Variants in CRBN observed in about 807,000 individuals in gnomAD.
The protein encoded by CRBN is cereblon, also known as protein cereblon.
In CRBN, 53 loss-of-function variants were observed where a neutral mutation model predicts 62.2. The ratio of observed to expected loss-of-function variants is 0.85; its 90% CI spans 0.68 to 1.07. The LOEUF (loss-of-function observed/expected upper bound fraction) is 1.07. Ranked by LOEUF, CRBN falls within the 50% of genes least tolerant of loss-of-function variation. The pLI is 0.00. For synonymous variants in CRBN, 208 were observed against 176.1 expected (o/e 1.18, Z -1.43); for missense variants, 616 against 531.1 (o/e 1.16, Z -1.57).
chr3:3,169,512 C>T (rs145964345), intron 4 of CRBN, among the ~76,000 whole-genome samples: 1 of 152,114 alleles, frequency 6.6e-6, no homozygotes, highest in Non-Finnish European at 1.5e-5. Flanking sequence ...AAATTCTGCA[C>T]TCAAATTGCC....
intron 1 of CRBN, among the ~76,000 whole-genome samples, chr3:3,175,908 G>T (rs1707809647): frequency 6.6e-6 from 1 of 152,182 alleles, no homozygotes; most frequent in East Asian, 1.9e-4. Flanking sequence ...TAGAAATGGG[G>T]TCTGTTGCCA....
chr3:3,163,908 C>A (rs770538690), intron 5 of CRBN, among the ~76,000 whole-genome samples: 4 of 152,218 alleles, frequency 2.6e-5, no homozygotes, highest in Non-Finnish European at 5.9e-5. Context: ...GTGCTAACTA[C>A]CTGCCTGTGC....
In CRBN at chr3:3,153,496, ATT is replaced by A. The variant is rs1399446103; in HGVS notation, c.952-10_952-9del. The A allele has an allele frequency of 6.5e-7, 1 of 1,529,610 alleles. No homozygotes were observed. The highest frequency in any genetic ancestry group is 2.3e-5 in the East Asian group (1 of 44,330). 94.8% of individuals were successfully genotyped at this position (1,529,610 alleles called of 1,614,324 possible). ...ACAGCAAAGGGAAGTACACTAAAAGATTTGAGAGAAAAATTATTGGTAGGAAA... is the reference window on the plus strand; with the variant it reads ...ACAGCAAAGGGAAGTACACTAAAAGATGAGAGAAAAATTATTGGTAGGAAA... On this transcript the variant is annotated splice_polypyrimidine_tract_variant and intron_variant, in intron 8 of 10. Transcript: ENST00000231948.
At chr3:3,149,808 T>TATTA (rs1364679115), downstream of CRBN, 3 of 152,148 alleles carry the variant, frequency 2.0e-5, no homozygotes, top group Admixed American at 2.0e-4. Flanking sequence ...GGCCTCATAC[T>TATTA]ATTACTACAT....
chr3:3,175,052 T>C (rs903260035), intron 2 of CRBN, 111 bp downstream of exon 2: 2 of 450,698 alleles, frequency 4.4e-6, no homozygotes, highest in African/African-American at 4.6e-5. Flanking sequence ...CATGTCCTCA[T>C]CCACAATTTC....
At position 3,179,608 on chromosome 3, in the gene CRBN, T is replaced by A; in HGVS notation, c.67+13A>T. 1 of 1,613,190 alleles carries A rather than the reference T, an allele frequency of 6.2e-7. No homozygotes were observed. Among genetic ancestry groups the A allele is most frequent in the African/African-American group, 1.3e-5 (1 of 75,022 alleles). ...CCCACTCCCGACTACAGGGAACTAC[T>A]CCGGGCGGTTACCAGGCAGGAGCGG... On this transcript the variant is annotated intron_variant, in intron 1 of 10. Transcript: ENST00000231948.
chr3:3,174,048 T>C lies in CRBN; in HGVS notation c.377+11A>G. 1.2e-6 allele frequency: 2 copies of C among 1,609,458 alleles called. No homozygotes were observed. Among genetic ancestry groups the C allele is most frequent in the East Asian group, 2.2e-5 (1 of 44,858 alleles). On this transcript the variant is annotated intron_variant, in intron 3 of 10. Transcript: ENST00000231948. The stretch of plus-strand genomic sequence containing the variant: ...GGGAATGTATTAAGCAAATGGACTC[T>C]AATATTTTACCTGTATGCAAGAACA...
chr3:3,176,858 GT>G (rs1159491509), intron 1 of CRBN, among the ~76,000 whole-genome samples: 1 of 152,224 alleles, frequency 6.6e-6, no homozygotes, highest in Non-Finnish European at 1.5e-5. Context: ...AAAACCAGAT[GT>G]TACCAATGAC....
chr3:3,176,552 A>G (rs2126070313), intron 1 of CRBN, among the ~76,000 whole-genome samples: 1 of 152,274 alleles, frequency 6.6e-6, no homozygotes, highest in African/African-American at 2.4e-5. Context: ...CCTGGCCAAC[A>G]TGTTGCAACC....
Position 3,167,813 on chromosome 3 carries a change from G to A in CRBN, c.528-20C>T. On this transcript the variant is annotated intron_variant, in intron 4 of 10. Transcript: ENST00000231948. ...TGGATTCTAAAATAAAGAGAACCAA[G>A]CATGGTATTCATTTCTAAGATTGAC... The A allele has an allele frequency of 6.2e-7, 1 of 1,611,562 alleles. No individual in the cohort carries two copies. Among genetic ancestry groups the A allele is most frequent in the Non-Finnish European group, 8.5e-7 (1 of 1,178,008 alleles).
chr3:3,157,407 T>C (rs915402488), intron 5 of CRBN, among the ~76,000 whole-genome samples: 1 of 152,112 alleles, frequency 6.6e-6, no homozygotes, highest in South Asian at 2.1e-4. Flanking sequence ...ACATGACACA[T>C]GAAAGTGAGA....
chr3:3,167,599 A>AT (rs1480205899), intron 5 of CRBN, 35 bp downstream of exon 5: 2 of 1,601,182 alleles, frequency 1.2e-6, no homozygotes, highest in East Asian at 2.2e-5. Context: ...ACCTGTCTTC[A>AT]TTTTTTGAAG....
chr3:3,164,392 T>C (rs1451524023), intron 5 of CRBN, among the ~76,000 whole-genome samples: 1 of 152,178 alleles, frequency 6.6e-6, no homozygotes, highest in East Asian at 1.9e-4. Flanking sequence ...AAAGTTTTAA[T>C]GGTCTGGACA....
chr3:3,179,532 C>T (rs915846532), intron 1 of CRBN, 89 bp downstream of exon 1: 2 of 1,338,956 alleles, frequency 1.5e-6, no homozygotes, highest in East Asian at 4.8e-5. Context: ...CTTGGCGCCC[C>T]CACGCCCGCC....
chr3:3,168,509 T>C (rs1707448393), intron 4 of CRBN, among the ~76,000 whole-genome samples: 1 of 152,206 alleles, frequency 6.6e-6, no homozygotes, highest in Non-Finnish European at 1.5e-5. Flanking sequence ...TGAGCTATCT[T>C]CCTGTGAGGC....
At chr3:3,157,248 A>C (rs1279973928) in intron 5 of CRBN, among the ~76,000 whole-genome samples, 1 of 152,242 alleles carries the variant, frequency 6.6e-6, no homozygotes, top group Non-Finnish European at 1.5e-5. Flanking sequence ...AATACATTAG[A>C]ATATGTTTAT....
intron 1 of CRBN, among the ~76,000 whole-genome samples, chr3:3,177,241 A>G (rs926958169): frequency 1.3e-5 from 2 of 152,186 alleles, no homozygotes; most frequent in African/African-American, 4.8e-5. Flanking sequence ...AAACTTCTAA[A>G]TCGATAAAAT....
intron 5 of CRBN, 46 bp downstream of exon 5, chr3:3,167,588 A>C (rs1197224120): frequency 3.8e-6 from 6 of 1,576,192 alleles, no homozygotes; most frequent in Middle Eastern, 1.7e-4. Context: ...GAAAAAAAAC[A>C]ACCTGTCTTC....
intron 1 of CRBN, among the ~76,000 whole-genome samples, chr3:3,178,901 T>A (rs1707946921): frequency 6.6e-6 from 1 of 152,080 alleles, no homozygotes; most frequent in Admixed American, 6.5e-5. Flanking sequence ...TTTTTTTTGT[T>A]CAGTATTTCA....
Sources: gnomAD v4.1 joint callset for allele counts (sites outside exome capture counted in the v4.1 genomes callset) on GRCh38, gnomAD v4.1.1 for gene constraint, MANE v1.5 for transcripts, NCBI Gene and HGNC (gene_info 2026-07-23, HGNC 2026-07-21) for gene names.